The following ADAMTS17 variants were observed in gnomAD, a reference collection of about 807,000 sequenced individuals.
ADAMTS17 encodes A disintegrin and metalloproteinase with thrombospondin motifs 17.
In ADAMTS17, 113 loss-of-function variants were observed where a neutral mutation model predicts 141.5. The observed-to-expected ratio is 0.80, with a 90% confidence interval of 0.69 to 0.93. The LOEUF (loss-of-function observed/expected upper bound fraction) is 0.93. Ranked by LOEUF, ADAMTS17 falls within the 40% of genes least tolerant of loss-of-function variation. ADAMTS17 has a pLI of 0.00. For missense variants in ADAMTS17, 1,659 were observed against 1,517.9 expected (o/e 1.09, Z -1.54); for synonymous variants, 768 against 630.6 (o/e 1.22, Z -3.27).
At chr15:100,162,150 C>T (rs1001984737) in intron 8 of ADAMTS17, among the ~76,000 whole-genome samples, 11 of 152,052 alleles carry the variant, frequency 7.2e-5, no homozygotes, top group Non-Finnish European at 1.5e-4. Flanking sequence ...GGATAACACT[C>T]ATACAATACA....
intron 3 of ADAMTS17, among the ~76,000 whole-genome samples, chr15:100,326,123 T>C (rs2045893660): frequency 6.6e-6 from 1 of 152,246 alleles, no homozygotes; most frequent in Non-Finnish European, 1.5e-5. Context: ...ATTGCGCCTC[T>C]ACCATGGTTC....
intron 8 of ADAMTS17, among the ~76,000 whole-genome samples, chr15:100,168,170 C>T (rs1018085170): frequency 4.5e-4 from 68 of 152,316 alleles, no homozygotes; most frequent in African/African-American, 1.6e-3. Flanking sequence ...GAGGATGCAG[C>T]TCATGGCTCC....
At chr15:100,088,531 A>T (rs1410519339) in intron 15 of ADAMTS17, among the ~76,000 whole-genome samples, 1 of 152,142 alleles carries the variant, frequency 6.6e-6, no homozygotes, top group Non-Finnish European at 1.5e-5. Flanking sequence ...CGCATCGCCA[A>T]GTCAATCCTA....
intron 4 of ADAMTS17, among the ~76,000 whole-genome samples, chr15:100,264,820 C>T (rs965703736): frequency 1.3e-5 from 2 of 151,290 alleles, no homozygotes; most frequent in African/African-American, 4.9e-5. Flanking sequence ...TGGGGGGAGG[C>T]AAAAATGGGA....
At chr15:100,322,610 C>T (rs371874707) in intron 3 of ADAMTS17, among the ~76,000 whole-genome samples, 15 of 152,064 alleles carry the variant, frequency 9.9e-5, no homozygotes, top group East Asian at 3.9e-4. Flanking sequence ...AGACCAAACC[C>T]GAAGATGACC....
intron 8 of ADAMTS17, among the ~76,000 whole-genome samples, chr15:100,186,788 T>C (rs1242202161): frequency 6.6e-6 from 1 of 152,254 alleles, no homozygotes; most frequent in Non-Finnish European, 1.5e-5. Flanking sequence ...CTCTGCACGA[T>C]CCTTGGCTGA....
chr15:100,038,539 T>C (rs895998598), intron 18 of ADAMTS17, among the ~76,000 whole-genome samples: 1 of 152,218 alleles, frequency 6.6e-6, no homozygotes, highest in Non-Finnish European at 1.5e-5. Flanking sequence ...GAATATGTTT[T>C]AAAATTCTTT....
intron 7 of ADAMTS17, among the ~76,000 whole-genome samples, chr15:100,210,004 G>A (rs1173872815): frequency 2.0e-5 from 3 of 151,964 alleles, no homozygotes; most frequent in African/African-American, 7.3e-5. Flanking sequence ...GTGGTGGTCC[G>A]CGGGCAGATC....
chr15:100,014,089 C>T lies in ADAMTS17; in HGVS notation c.2592-16500G>A, dbSNP rs567375601. On this transcript the variant is annotated intron_variant, in intron 18 of 21. Coordinates refer to ENST00000268070, the MANE Select transcript of ADAMTS17 (RefSeq NM_139057.4). ...TTGTTATTGGTCTGTTCAGGGTATG[C>T]AATTCTTCCTGATTTAAGCTAGAAG... Among the ~76,000 whole-genome samples, 3 of 152,136 alleles carry T rather than the reference C, an allele frequency of 2.0e-5. No individual in the cohort carries two copies. In the South Asian group the frequency reaches 6.2e-4, roughly 32 times the overall value.
At chr15:100,017,183 C>T (rs1009583475) in intron 18 of ADAMTS17, among the ~76,000 whole-genome samples, 4 of 152,178 alleles carry the variant, frequency 2.6e-5, no homozygotes, top group South Asian at 2.1e-4. Context: ...CCAGCTCCCA[C>T]GCAATCCAAA....
At chr15:100,236,017 A>AATTCG (rs989960975) in intron 7 of ADAMTS17, among the ~76,000 whole-genome samples, 1 of 152,132 alleles carries the variant, frequency 6.6e-6, no homozygotes, top group Non-Finnish European at 1.5e-5. Flanking sequence ...ATTTGGGGTA[A>AATTCG]ATTCGATTCC....
At chr15:100,060,229 C>G (rs1033920242) in intron 15 of ADAMTS17, among the ~76,000 whole-genome samples, 1 of 152,226 alleles carries the variant, frequency 6.6e-6, no homozygotes, top group Non-Finnish European at 1.5e-5. Context: ...CAAAACATAA[C>G]TATGCTCACT....
At chr15:100,190,360 C>T (rs969546114) in intron 8 of ADAMTS17, among the ~76,000 whole-genome samples, 4 of 152,194 alleles carry the variant, frequency 2.6e-5, no homozygotes, top group South Asian at 4.1e-4. Context: ...CTACCACCTT[C>T]GCACAAAGTG....
Position 100,041,402 on chromosome 15 carries a change from A to T in ADAMTS17, c.2591+7455T>A, listed in dbSNP as rs542722230. ...GCTCTTAAAGACTGCAAAAATGTTAAATCTGGTAAAGCACAAGGTCTGTGC... is the reference window on the plus strand; with the variant it reads ...GCTCTTAAAGACTGCAAAAATGTTATATCTGGTAAAGCACAAGGTCTGTGC... On this transcript the variant is annotated intron_variant, in intron 18 of 21. Coordinates refer to ENST00000268070, the MANE Select transcript of ADAMTS17 (RefSeq NM_139057.4). 4.6e-5 allele frequency among the ~76,000 whole-genome samples: 7 copies of T among 152,342 alleles called. No homozygotes were observed. The South Asian group carries it at 1.4e-3, about 32-fold the overall frequency.
At chr15:100,091,028 A>AAAAAAAAG (rs369355348) in intron 15 of ADAMTS17, among the ~76,000 whole-genome samples, 4 of 143,698 alleles carry the variant, frequency 2.8e-5, no homozygotes, top group African/African-American at 1.1e-4. Context: ...AAAAAAAAAA[A>AAAAAAAAG]GGGTAACCAA....
rs200806459 is a variant in ADAMTS17, at chr15:100,162,872, CTATA to C, written c.1182-7556_1182-7553del. Among the ~76,000 whole-genome samples the C allele has an allele frequency of 4.3e-5, 6 of 138,450 alleles. No individual in the cohort carries two copies. In the South Asian group the frequency reaches 7.0e-4, roughly 16 times the overall value. 90.8% of individuals were successfully genotyped at this position (138,450 alleles called of 152,430 possible). ...GTTATATATCTGTGTATATATATAA[CTATA>C]TGTATATATATGTGTATATAGAACT... On this transcript the variant is annotated intron_variant, in intron 8 of 21. Transcript: ENST00000268070.
chr15:100,224,061 A>T (rs1400630912), intron 7 of ADAMTS17, among the ~76,000 whole-genome samples: 1 of 152,082 alleles, frequency 6.6e-6, no homozygotes, highest in Admixed American at 6.5e-5. Flanking sequence ...CTGGAAGCTG[A>T]TTAGATTGTG....
chr15:100,108,000 G>A (rs1199571734), intron 14 of ADAMTS17, among the ~76,000 whole-genome samples: 1 of 152,094 alleles, frequency 6.6e-6, no homozygotes, highest in Non-Finnish European at 1.5e-5. Flanking sequence ...CATCCCAGCT[G>A]CTGCGCCACC....
chr15:100,224,378 C>T (rs917298254), intron 7 of ADAMTS17, among the ~76,000 whole-genome samples: 19 of 152,124 alleles, frequency 1.2e-4, no homozygotes, highest in East Asian at 5.8e-4. Flanking sequence ...CTTTGGTGGG[C>T]GGTAACTTCC....
Sources: allele counts gnomAD v4.1 joint callset (sites outside exome capture counted in the v4.1 genomes callset), GRCh38; gene constraint gnomAD v4.1.1; transcripts MANE v1.5; gene names NCBI Gene and HGNC (gene_info 2026-07-23, HGNC 2026-07-21).